Variants in ASAH1 observed in about 807,000 individuals in gnomAD.
ASAH1 encodes acid ceramidase.
Under a neutral mutation model 59.5 loss-of-function variants are expected in ASAH1, and 70 were observed. That is an observed-to-expected ratio of 1.18 (90% CI 0.97 to 1.43). The LOEUF is 1.43. Among genes scored for constraint, ASAH1 ranks in the 40% most tolerant of loss-of-function variants. The probability of loss-of-function intolerance (pLI) is 0.00; values close to 1 mark genes in which losing one functional copy is unlikely to be tolerated. For synonymous variants in ASAH1, 213 were observed against 166.5 expected (o/e 1.28, Z -2.15); for missense variants, 660 against 482.5 (o/e 1.37, Z -3.45).
chr8:18,062,169 A>G, intron 8 of ASAH1, 110 bp downstream of exon 8: 1 of 1,442,806 alleles, frequency 6.9e-7, no homozygotes, highest in Non-Finnish European at 9.7e-7. Context: ...AGGGGGTGAA[A>G]TGGGGCTTCA....
intron 11 of ASAH1, 45 bp downstream of exon 11, chr8:18,059,527 G>C (rs377398635): frequency 1.1e-5 from 17 of 1,613,944 alleles, no homozygotes; most frequent in Non-Finnish European, 1.4e-5. Flanking sequence ...GTATATCAGT[G>C]TATGCTTTTG....
At chr8:18,075,387 C>G in intron 2 of ASAH1, 154 bp downstream of exon 2, 2 of 827,926 alleles carry the variant, frequency 2.4e-6, no homozygotes, top group Non-Finnish European at 2.1e-6. Flanking sequence ...CAGCCAAATG[C>G]ATAATAAACA....
rs1799576244 is a variant in ASAH1, at chr8:18,058,903, G to A, written c.1042-12C>T. ...TCAAATGAGATATTCTAAAACACAA[G>A]AAAATAGTTTTGTTCAGTAAGTTAA... On this transcript the variant is annotated splice_polypyrimidine_tract_variant and intron_variant, in intron 12 of 13. Coordinates refer to ENST00000637790, the MANE Select transcript of ASAH1 (RefSeq NM_177924.5). The A allele has an allele frequency of 1.2e-6, 2 of 1,609,012 alleles. No individual in the cohort carries two copies. The highest frequency in any genetic ancestry group is 4.5e-5 in the East Asian group (2 of 44,856).
chr8:18,081,640 T>C (rs1800658907), intron 1 of ASAH1, among the ~76,000 whole-genome samples: 1 of 152,204 alleles, frequency 6.6e-6, no homozygotes, highest in Admixed American at 6.5e-5. Context: ...CATAGGAATA[T>C]TGTGAAAAGC....
chr8:18,084,119 C>G (rs1349118924), upstream of ASAH1: 3 of 1,586,760 alleles, frequency 1.9e-6, no homozygotes, highest in East Asian at 4.5e-5. Flanking sequence ...GCCGGCTGGG[C>G]CGGGGGCAGG....
At chr8:18,074,275 A>T (rs142455529) in intron 2 of ASAH1, among the ~76,000 whole-genome samples, 2 of 151,458 alleles carry the variant, frequency 1.3e-5, no homozygotes, top group African/African-American at 4.9e-5. Flanking sequence ...ACAGCAGGCC[A>T]TTGAAGAAAG....
chr8:18,083,822 G>T (rs1314525680), intron 1 of ASAH1, 159 bp downstream of exon 1: 2 of 1,442,348 alleles, frequency 1.4e-6, no homozygotes, highest in Admixed American at 4.5e-5. Flanking sequence ...TCGCCAGCCC[G>T]CTCTGCACCC....
At chr8:18,065,815 A>G (rs1175040452) in intron 5 of ASAH1, 2 of 152,054 alleles carry the variant, frequency 1.3e-5, no homozygotes, top group African/African-American at 4.8e-5. Context: ...CAAATATGTA[A>G]ATGAAACTTA....
intron 11 of ASAH1, 28 bp downstream of exon 11, chr8:18,059,544 C>G (rs1189594153): frequency 1.2e-6 from 2 of 1,614,156 alleles, no homozygotes; most frequent in East Asian, 2.2e-5. Flanking sequence ...TTTGTTTCTA[C>G]TTCTTTTGCT....
chr8:18,059,141 T>C (rs139991538), intron 12 of ASAH1, 200 bp downstream of exon 12: 1 of 806,546 alleles, frequency 1.2e-6, no homozygotes, highest in Non-Finnish European at 1.9e-6. Flanking sequence ...GTATCCAGCA[T>C]TAGAACCAGA....
Position 18,067,018 on chromosome 8 carries a change from C to A in ASAH1, c.382+202G>T, listed in dbSNP as rs1799953553. On this transcript the variant is annotated intron_variant, in intron 5 of 13. Transcript: ENST00000637790. ...TGATGGAGCATCGTGGAGTGCTGGG[C>A]TCTTCCGTATCTTGATCTGAGTCAT... The A allele has an allele frequency of 1.3e-5, 5 of 393,044 alleles. No homozygotes were observed. In the South Asian group the frequency reaches 3.9e-4, roughly 30 times the overall value. 24.3% of individuals were successfully genotyped at this position (393,044 alleles called of 1,614,324 possible). A position where few individuals can be genotyped will look rare whatever the true frequency, so the allele number is the denominator to read the frequency against.
rs76624670 is a variant in ASAH1 at position 18,069,623 on chromosome 8, A to G, written c.303+169T>C. The G allele has an allele frequency of 7.6e-3, 4,397 of 576,320 alleles. 150 individuals are homozygous for G. Among genetic ancestry groups the G allele is most frequent in the African/African-American group, 0.074 (3,962 of 53,840 alleles). 35.7% of individuals were successfully genotyped at this position (576,320 alleles called of 1,614,324 possible). A position where few individuals can be genotyped will look rare whatever the true frequency, so the allele number is the denominator to read the frequency against. On this transcript the variant is annotated intron_variant, in intron 4 of 13. Coordinates refer to ENST00000637790, the MANE Select transcript of ASAH1 (RefSeq NM_177924.5). ...CCATAATTTGCTATGCTGTAACCCT[A>G]ATATTACCAATTCCCCAAATTTAAG...
chr8:18,080,886 C>T lies in ASAH1; in HGVS notation c.78+3095G>A, dbSNP rs773912736. On this transcript the variant is annotated intron_variant, in intron 1 of 13. Transcript: ENST00000637790. The stretch of plus-strand genomic sequence containing the variant: ...CCTGTTTTAACTTTGGCAATTTCTC[C>T]TCTTCTTGACACATACATGTGCAAG... Among the ~76,000 whole-genome samples the T allele has an allele frequency of 3.9e-5, 6 of 152,252 alleles. No homozygotes were observed. The South Asian group carries it at 6.2e-4, about 16-fold the overall frequency.
rs749978635 is a variant in ASAH1 at position 18,067,234 on chromosome 8, G to A, written c.368C>T (p.Thr123Ile). The change falls in exon 5 of 14, where the codon ACT becomes ATT. Residue 123 changes from threonine (T) to isoleucine (I), a missense_variant. Coordinates refer to ENST00000637790, the MANE Select transcript of ASAH1 (RefSeq NM_177924.5). ...EEEMKGIAAV[T>I]DIPLGEIISF... ...GTGAACTTTACCTAAAGGTATATCAGTAACAGCGGCAATACCCTTCATTTC... is the reference window on the plus strand; with the variant it reads ...GTGAACTTTACCTAAAGGTATATCAATAACAGCGGCAATACCCTTCATTTC... 1 of 1,603,230 alleles carries A rather than the reference G, an allele frequency of 6.2e-7. No individual in the cohort carries two copies. Among genetic ancestry groups the A allele is most frequent in the East Asian group, 2.2e-5 (1 of 44,728 alleles).
chr8:18,064,549 T>A lies in ASAH1; in HGVS notation c.383-18A>T. On this transcript the variant is annotated intron_variant, in intron 5 of 13. Transcript: ENST00000637790. The stretch of plus-strand genomic sequence containing the variant: ...AATCTCTCCTATGAGAAAAGAAAAT[T>A]TTGTGTTAATATACAGAACCATGAC... The A allele has an allele frequency of 2.2e-6, 3 of 1,392,540 alleles. No homozygotes were observed. Among genetic ancestry groups the A allele is most frequent in the Non-Finnish European group, 2.0e-6 (2 of 990,822 alleles). The allele number at this position is 1,392,540 out of a possible 1,614,324, so 86.3% of individuals were successfully genotyped here.
chr8:18,064,244 T>A (rs1420331929), intron 6 of ASAH1: 1 of 585,058 alleles, frequency 1.7e-6, no homozygotes, highest in African/African-American at 1.9e-5. Context: ...GTTTTTTGCA[T>A]GTCTGAAATC....
intron 1 of ASAH1, among the ~76,000 whole-genome samples, chr8:18,078,057 A>T (rs1303217391): frequency 6.6e-6 from 1 of 152,192 alleles, no homozygotes; most frequent in Non-Finnish European, 1.5e-5. Flanking sequence ...TCCCACAGAG[A>T]TAATAAAACC....
Position 18,067,100 on chromosome 8 carries a change from T to TGCACCTGTGCTGTATATTTAAGACATACA in ASAH1, c.382+119_382+120insTGTATGTCTTAAATATACAGCACAGGTGC. 5 of 548,496 alleles carry TGCACCTGTGCTGTATATTTAAGACATACA rather than the reference T, an allele frequency of 9.1e-6. No homozygotes were observed. The East Asian group carries it at 1.4e-4, about 15-fold the overall frequency. The allele number at this position is 548,496 out of a possible 1,614,324, so 34.0% of individuals were successfully genotyped here. A position where few individuals can be genotyped will look rare whatever the true frequency, so the allele number is the denominator to read the frequency against. On this transcript the variant is annotated intron_variant, in intron 5 of 13. Coordinates refer to ENST00000637790, the MANE Select transcript of ASAH1 (RefSeq NM_177924.5). ...CACTGAGCTGTATATCTAAGACCTGTGCACCTGTGCTGTATATCTAAGACA... is the reference window on the plus strand; with the variant it reads ...CACTGAGCTGTATATCTAAGACCTGTGCACCTGTGCTGTATATTTAAGACATACAGCACCTGTGCTGTATATCTAAGACA...
chr8:18,075,463 CGTTT>C (rs752939926), intron 2 of ASAH1, 74 bp downstream of exon 2: 9 of 1,391,722 alleles, frequency 6.5e-6, no homozygotes, highest in South Asian at 4.6e-5. Flanking sequence ...CACTATCGTT[CGTTT>C]ATGAGCAATT....
Sources: allele counts gnomAD v4.1 joint callset (sites outside exome capture counted in the v4.1 genomes callset), GRCh38; gene constraint gnomAD v4.1.1; transcripts MANE v1.5; gene names NCBI Gene and HGNC (gene_info 2026-07-23, HGNC 2026-07-21).